Variants in XAF1 observed in about 807,000 individuals in gnomAD.
XAF1 encodes XIAP-associated factor 1.
In XAF1, 32 loss-of-function variants were observed where a neutral mutation model predicts 32.3. That is an observed-to-expected ratio of 0.99 (90% CI 0.75 to 1.33). XAF1 has a LOEUF of 1.33. Ranked by LOEUF, XAF1 falls within the 40% of genes most tolerant of loss-of-function variation. The pLI is 0.00. For synonymous variants in XAF1, 120 were observed against 125.9 expected (o/e 0.95, Z 0.31); for missense variants, 379 against 366.0 (o/e 1.04, Z -0.29).
At chr17:6,769,054 C>T (rs1168324894) in intron 5 of XAF1, among the ~76,000 whole-genome samples, 1 of 151,210 alleles carries the variant, frequency 6.6e-6, no homozygotes, top group Admixed American at 6.6e-5. Flanking sequence ...TTTTTCATGA[C>T]TCTCCTTTTT....
chr17:6,759,257 C>T, intron 2 of XAF1: 8 of 1,123,862 alleles, frequency 7.1e-6, no homozygotes, highest in Non-Finnish European at 6.5e-6. Flanking sequence ...TCCCTACAGG[C>T]TTATGGATCT....
intron 6 of XAF1, chr17:6,772,817 C>G (rs961169599): frequency 1.4e-5 from 4 of 280,284 alleles, no homozygotes; most frequent in Non-Finnish European, 2.0e-5. Context: ...CCAAGGAAAT[C>G]CCTACAAACA....
intron 2 of XAF1, chr17:6,758,517 G>T (rs1272808900): frequency 1.3e-4 from 59 of 460,758 alleles, no homozygotes; most frequent in South Asian, 1.2e-3. Context: ...CGAGTGTTCA[G>T]TCCTCTCTGC....
At position 6,758,138 on chromosome 17, in the gene XAF1, C is replaced by T; in HGVS notation, c.82C>T (p.Leu28=). ...ANFTLHEAYC[L]RFLVLCPECE... is the part of the protein sequence containing the mutation. ...CTTCACCCTCCATGAGGCTTACTGCCTGCGGTTCCTGGTCCTGTGTCCGGA... is the reference window on the plus strand; with the variant it reads ...CTTCACCCTCCATGAGGCTTACTGCTTGCGGTTCCTGGTCCTGTGTCCGGA... Residue 28 remains leucine (L), a synonymous_variant, in exon 2 of 7, where the codon CTG becomes TTG. Transcript: ENST00000361842. 1 of 1,614,266 alleles carries T rather than the reference C, an allele frequency of 6.2e-7. No homozygotes were observed.
upstream of XAF1, chr17:6,755,989 A>G: frequency 6.2e-7 from 1 of 1,608,254 alleles, no homozygotes; most frequent in Non-Finnish European, 8.5e-7. Flanking sequence ...CCCTCCCTGA[A>G]GCTGTGGGCT....
chr17:6,768,133 T>C (rs543877408), intron 5 of XAF1, among the ~76,000 whole-genome samples: 10 of 152,116 alleles, frequency 6.6e-5, no homozygotes, highest in South Asian at 2.1e-4. Context: ...TTCTTTCTTT[T>C]TTTTTTTGAG....
intron 6 of XAF1, among the ~76,000 whole-genome samples, chr17:6,772,465 C>CTTTTTTT (rs71383425): frequency 5.5e-4 from 52 of 94,182 alleles, no homozygotes; most frequent in African/African-American, 7.7e-4. Flanking sequence ...AAGCTGCCAT[C>CTTTTTTT]TTTTTTTTTT....
intron 2 of XAF1, 86 bp from the exon 3 acceptor site, chr17:6,759,576 G>A (rs987686293): frequency 6.3e-7 from 1 of 1,596,142 alleles, no homozygotes; most frequent in African/African-American, 1.3e-5. Context: ...CCGGAACACT[G>A]TGAGCCAAAG....
At chr17:6,756,784 T>G (rs988683270) in intron 1 of XAF1, among the ~76,000 whole-genome samples, 6 of 152,076 alleles carry the variant, frequency 3.9e-5, no homozygotes, top group African/African-American at 1.4e-4. Flanking sequence ...GGGAAGATGA[T>G]GCTGCCTGTG....
Position 6,759,760 on chromosome 17 carries a change from C to G in XAF1, c.225+42C>G. ...ATTTCTCCTTTACAGCCAAATAGAC[C>G]AACCTGAGAAAAGGAGAGGAAGGGG... On this transcript the variant is annotated intron_variant, in intron 3 of 6. Transcript: ENST00000361842. The G allele has an allele frequency of 1.9e-6, 3 of 1,613,666 alleles. No homozygotes were observed. In the South Asian group the frequency reaches 3.3e-5, roughly 18 times the overall value.
intron 5 of XAF1, among the ~76,000 whole-genome samples, chr17:6,768,069 C>T (rs1975747178): frequency 6.6e-6 from 1 of 151,908 alleles, no homozygotes; most frequent in Non-Finnish European, 1.5e-5. Context: ...ATTTATGTAA[C>T]TCATGCCTGT....
intron 5 of XAF1, among the ~76,000 whole-genome samples, chr17:6,765,594 G>A (rs766595809): frequency 2.0e-4 from 30 of 151,910 alleles, no homozygotes; most frequent in Non-Finnish European, 3.7e-4. Context: ...ATCTGAAATG[G>A]AATCCTCTCT....
chr17:6,760,387 T>C lies in XAF1; in HGVS notation c.226-19T>C. 1 of 1,554,058 alleles carries C rather than the reference T, an allele frequency of 6.4e-7. No homozygotes were observed. Among genetic ancestry groups the C allele is most frequent in the Non-Finnish European group, 8.8e-7 (1 of 1,136,916 alleles). The stretch of plus-strand genomic sequence containing the variant: ...AAAAAAAGGGCCAGTGATCATGCCC[T>C]TCCTGCTGCCTCCCACAGGCCAATG... On this transcript the variant is annotated intron_variant, in intron 3 of 6. Transcript: ENST00000361842.
chr17:6,755,584 T>C (rs1974602136), upstream of XAF1: 2 of 1,005,964 alleles, frequency 2.0e-6, no homozygotes, highest in African/African-American at 1.7e-5. Context: ...CTGGACGCTG[T>C]TTGCAAGGTC....
intron 1 of XAF1, 36 bp from the exon 2 acceptor site, chr17:6,758,051 TAA>T (rs775624455): frequency 6.2e-7 from 1 of 1,612,640 alleles, no homozygotes; most frequent in Non-Finnish European, 8.5e-7. Context: ...AATATGAAAA[TAA>T]GTCTATTTTT....
chr17:6,762,107 C>T (rs1392705321), intron 4 of XAF1, 48 bp from the exon 5 acceptor site: 1 of 1,610,114 alleles, frequency 6.2e-7, no homozygotes, highest in South Asian at 1.1e-5. Context: ...GCTGGGCTAG[C>T]CGTTGACAAG....
upstream of XAF1, chr17:6,756,045 C>T (rs773637925): frequency 1.2e-5 from 19 of 1,613,414 alleles, no homozygotes; most frequent in East Asian, 2.5e-4. Flanking sequence ...CTGCAAGAAA[C>T]GAAACTCAAC....
At chr17:6,756,283 C>T in intron 1 of XAF1, 173 bp downstream of exon 1, 3 of 707,916 alleles carry the variant, frequency 4.2e-6, no homozygotes, top group Non-Finnish European at 6.2e-6. Flanking sequence ...TTGGTAATCT[C>T]TGGGTGGGGG....
At chr17:6,758,282 C>A in intron 2 of XAF1, 58 bp downstream of exon 2, 2 of 1,596,158 alleles carry the variant, frequency 1.3e-6, no homozygotes, top group South Asian at 2.2e-5. Flanking sequence ...TCAGTCCTCC[C>A]TGCAGGTGAG....
Sources: gnomAD v4.1 joint callset for allele counts (sites outside exome capture counted in the v4.1 genomes callset) on GRCh38, gnomAD v4.1.1 for gene constraint, MANE v1.5 for transcripts, NCBI Gene and HGNC (gene_info 2026-07-23, HGNC 2026-07-21) for gene names.